MLANA: variants seen among roughly 807,000 people sequenced by gnomAD.
MLANA encodes the protein melanoma antigen recognized by T-cells 1.
In MLANA, 21 loss-of-function variants were observed where a neutral mutation model predicts 15.7. The observed-to-expected ratio is 1.33, with a 90% confidence interval of 0.95 to 1.92. The LOEUF (loss-of-function observed/expected upper bound fraction) is 1.92, where lower values mean the gene tolerates loss of function less well. MLANA is among the 40% of genes most tolerant of loss of function. The pLI is 0.00. For synonymous variants in MLANA, 56 were observed against 51.5 expected, an observed-to-expected ratio of 1.09 and a Z score of -0.37; for missense variants, 164 against 143.8, an observed-to-expected ratio of 1.14 and a Z score of -0.72.
chr9:5,903,749 A>G (rs13296624), intron 3 of MLANA, among the ~76,000 whole-genome samples: 26,179 of 152,170 alleles, frequency 0.17, 2,358 homozygotes, highest in Middle Eastern at 0.22. Flanking sequence ...TCGTTATGTA[A>G]TATCCCTCTT....
At chr9:5,896,597 C>T (rs900531161) in intron 2 of MLANA, among the ~76,000 whole-genome samples, 5 of 152,212 alleles carry the variant, frequency 3.3e-5, no homozygotes, top group Non-Finnish European at 5.9e-5. Context: ...CTCAGCTCTG[C>T]AGAAACTTTC....
At chr9:5,897,734 CAG>C in intron 3 of MLANA, 81 bp downstream of exon 3, 1 of 1,187,306 alleles carries the variant, frequency 8.4e-7, no homozygotes, top group African/African-American at 1.5e-5. Context: ...TCTGGAGAGT[CAG>C]ATAATTGCCT....
At chr9:5,903,402 T>C (rs1225250623) in intron 3 of MLANA, among the ~76,000 whole-genome samples, 2 of 152,218 alleles carry the variant, frequency 1.3e-5, no homozygotes, top group African/African-American at 4.8e-5. Flanking sequence ...TATTGTTAGG[T>C]TTGATTTGCT....
intron 3 of MLANA, 108 bp downstream of exon 3, chr9:5,897,761 G>T (rs1832130666): frequency 2.0e-6 from 2 of 984,620 alleles, no homozygotes; most frequent in Admixed American, 1.9e-5. Context: ...ATAACCTTCA[G>T]CTCTGATTCC....
Position 5,897,608 on chromosome 9 carries a change from C to T in MLANA, c.129C>T (p.Ile43=), listed in dbSNP as rs1457343822. ...LTVILGVLLL[I]GCWYCRRRNG... ...TGATCCTGGGAGTCTTACTGCTCATCGGCTGTTGGTATTGTAGAAGACGAA... is the reference window on the plus strand; with the variant it reads ...TGATCCTGGGAGTCTTACTGCTCATTGGCTGTTGGTATTGTAGAAGACGAA... The change falls in exon 3 of 5, where the codon ATC becomes ATT. Residue 43 remains isoleucine, a synonymous_variant. Coordinates refer to ENST00000381477, the MANE Select transcript of MLANA (RefSeq NM_005511.2). The T allele has an allele frequency of 6.8e-6, 11 of 1,614,120 alleles. No individual in the cohort carries two copies. Among genetic ancestry groups the T allele is most frequent in the African/African-American group, 1.3e-5 (1 of 75,056 alleles).
chr9:5,897,460 G>T, intron 2 of MLANA, 97 bp from the exon 3 acceptor site: 1 of 1,155,758 alleles, frequency 8.7e-7, no homozygotes. Context: ...GCTCTGGGTC[G>T]TCAAAGTCCA....
chr9:5,893,908 G>A (rs1831829909), intron 2 of MLANA, among the ~76,000 whole-genome samples: 6 of 108,220 alleles, frequency 5.5e-5, no homozygotes, highest in South Asian at 2.9e-4. Flanking sequence ...CTCCACCCCC[G>A]CCCCCCGCCC....
chr9:5,898,003 T>C (rs995394576), intron 3 of MLANA: 8 of 221,788 alleles, frequency 3.6e-5, no homozygotes, highest in Non-Finnish European at 6.5e-5. Context: ...TGTCATATCA[T>C]AGTGGAAGGC....
chr9:5,891,233 T>A (rs1831637934), intron 1 of MLANA: 2 of 152,254 alleles, frequency 1.3e-5, no homozygotes, highest in Admixed American at 1.3e-4. Flanking sequence ...AAAGAACCAC[T>A]TCTCCTGGTC....
At chr9:5,895,398 A>AT (rs1011492064) in intron 2 of MLANA, among the ~76,000 whole-genome samples, 42 of 149,574 alleles carry the variant, frequency 2.8e-4, no homozygotes, top group African/African-American at 9.8e-4. Flanking sequence ...TTTTTTTTTA[A>AT]TTTTTTTGCA....
intron 3 of MLANA, among the ~76,000 whole-genome samples, chr9:5,901,094 G>C (rs564544848): frequency 1.3e-5 from 2 of 152,034 alleles, no homozygotes; most frequent in East Asian, 1.9e-4. Flanking sequence ...AACCGGTAGA[G>C]TGGATCATAC....
intron 3 of MLANA, among the ~76,000 whole-genome samples, chr9:5,906,338 A>AAAAAG (rs1381798123): frequency 2.7e-5 from 4 of 150,028 alleles, no homozygotes; most frequent in African/African-American, 7.5e-5. Context: ...TCAAAAAAAA[A>AAAAAG]AAAAGAAAAG....
At chr9:5,901,965 G>A (rs1165204733) in intron 3 of MLANA, among the ~76,000 whole-genome samples, 1 of 152,158 alleles carries the variant, frequency 6.6e-6, no homozygotes, top group Non-Finnish European at 1.5e-5. Context: ...GTGATATTGA[G>A]CTGTAGTTTT....
intron 2 of MLANA, among the ~76,000 whole-genome samples, chr9:5,897,309 C>T (rs1362520724): frequency 2.0e-5 from 3 of 152,188 alleles, no homozygotes; most frequent in Non-Finnish European, 4.4e-5. Flanking sequence ...AACTTGGGTG[C>T]CTGGGCCATG....
chr9:5,896,391 A>G (rs913385124), intron 2 of MLANA, among the ~76,000 whole-genome samples: 5 of 152,214 alleles, frequency 3.3e-5, no homozygotes, highest in South Asian at 2.1e-4. Context: ...ACTGACCTAC[A>G]TAAGTCAGAG....
chr9:5,899,220 C>T (rs1053708028), intron 3 of MLANA: 1 of 152,122 alleles, frequency 6.6e-6, no homozygotes, highest in Admixed American at 6.5e-5. Context: ...AGTCCCATTC[C>T]TCATTCAGCA....
At chr9:5,891,441 C>A (rs1831651681) in intron 1 of MLANA, 1 of 152,136 alleles carries the variant, frequency 6.6e-6, no homozygotes, top group African/African-American at 2.4e-5. Flanking sequence ...CTGGGAAGGG[C>A]AAATTACACA....
intron 3 of MLANA, among the ~76,000 whole-genome samples, chr9:5,906,594 C>A (rs1375625995): frequency 6.6e-6 from 1 of 152,214 alleles, no homozygotes; most frequent in Non-Finnish European, 1.5e-5. Context: ...ATTCACTCTT[C>A]TTATCCTTCC....
chr9:5,908,572 A>G, intron 4 of MLANA, 68 bp from the exon 5 acceptor site: 1 of 1,327,178 alleles, frequency 7.5e-7, no homozygotes, highest in Non-Finnish European at 1.1e-6. Flanking sequence ...AACTATTTTA[A>G]CTTAATCCCT....
Sources: gnomAD v4.1 joint callset for allele counts (sites outside exome capture counted in the v4.1 genomes callset) on GRCh38, gnomAD v4.1.1 for gene constraint, MANE v1.5 for transcripts, NCBI Gene and HGNC (gene_info 2026-07-23, HGNC 2026-07-21) for gene names.